Variants in RBFOX1 observed in about 807,000 individuals in gnomAD.
The protein encoded by RBFOX1 is RNA binding protein fox-1 homolog 1.
In RBFOX1, 8 loss-of-function variants were observed where a neutral mutation model predicts 57.7. The observed-to-expected ratio is 0.14, with a 90% CI of 0.08 to 0.25. The LOEUF (loss-of-function observed/expected upper bound fraction) is 0.25. Ranked by LOEUF, RBFOX1 falls within the 10% of genes least tolerant of loss-of-function variation. RBFOX1 has a pLI of 1.00. For synonymous variants in RBFOX1, 326 were observed against 222.4 expected, an observed-to-expected ratio of 1.47 and a Z score of -4.15; for missense variants, 611 against 548.5, an observed-to-expected ratio of 1.11 and a Z score of -1.14.
chr16:6,163,274 A>T (rs1270620469), intron 1 of RBFOX1, among the ~76,000 whole-genome samples: 1 of 152,152 alleles, frequency 6.6e-6, no homozygotes, highest in Non-Finnish European at 1.5e-5. Context: ...TTTTGCGGGG[A>T]GGTAAAGACC....
At chr16:5,641,421 A>G (rs1481480363) in intron 3 of RBFOX1, among the ~76,000 whole-genome samples, 2 of 152,212 alleles carry the variant, frequency 1.3e-5, no homozygotes, top group Non-Finnish European at 2.9e-5. Context: ...GCTACAAACA[A>G]CTGCAAAGCA....
intron 3 of RBFOX1, among the ~76,000 whole-genome samples, chr16:7,018,592 C>A (rs961441156): frequency 1.3e-5 from 2 of 152,008 alleles, no homozygotes; most frequent in Admixed American, 1.3e-4. Flanking sequence ...GGTATTTACC[C>A]AGTAATGGGA....
At chr16:7,046,237 G>GTGTGTGT (rs2047885954) in intron 3 of RBFOX1, among the ~76,000 whole-genome samples, 1 of 146,590 alleles carries the variant, frequency 6.8e-6, no homozygotes, top group Admixed American at 6.9e-5. Flanking sequence ...TAGGTAAAGG[G>GTGTGTGT]GTGTGTGTGT....
At chr16:6,966,529 A>C (rs1226950494) in intron 3 of RBFOX1, among the ~76,000 whole-genome samples, 2 of 152,086 alleles carry the variant, frequency 1.3e-5, no homozygotes, top group Non-Finnish European at 2.9e-5. Flanking sequence ...GGGAAGACTG[A>C]GAGAGATGGA....
intron 3 of RBFOX1, among the ~76,000 whole-genome samples, chr16:6,719,165 C>A (rs981536926): frequency 6.6e-6 from 1 of 152,142 alleles, no homozygotes; most frequent in African/African-American, 2.4e-5. Flanking sequence ...TAGTGCCTGG[C>A]TGAGATGTGT....
intron 4 of RBFOX1, among the ~76,000 whole-genome samples, chr16:7,248,259 T>A (rs1490768362): frequency 6.6e-6 from 1 of 152,200 alleles, no homozygotes; most frequent in Non-Finnish European, 1.5e-5. Context: ...GAGTGGCACA[T>A]GAACGGCTTT....
intron 3 of RBFOX1, among the ~76,000 whole-genome samples, chr16:7,015,351 C>G (rs1194673151): frequency 2.6e-5 from 4 of 151,976 alleles, no homozygotes; most frequent in Admixed American, 1.3e-4. Flanking sequence ...GCTTCTTAGC[C>G]TTTTCTGGGC....
chr16:6,751,266 A>G (rs932584587), intron 3 of RBFOX1, among the ~76,000 whole-genome samples: 17 of 152,124 alleles, frequency 1.1e-4, no homozygotes, highest in Non-Finnish European at 2.4e-4. Flanking sequence ...TCTAGAATGG[A>G]TGGGGAGTAG....
chr16:6,617,230 A>G (rs1292905627), intron 2 of RBFOX1, among the ~76,000 whole-genome samples: 3 of 151,864 alleles, frequency 2.0e-5, no homozygotes, highest in African/African-American at 4.8e-5. Context: ...GGAAAAATAC[A>G]TGTTTGAAAT....
At chr16:7,562,979 G>A (rs1450175312) in intron 5 of RBFOX1, among the ~76,000 whole-genome samples, 1 of 152,142 alleles carries the variant, frequency 6.6e-6, no homozygotes, top group Non-Finnish European at 1.5e-5. Flanking sequence ...TGCCATTAAG[G>A]GACTTGACCC....
chr16:5,432,433 C>A (rs539221002), intron 1 of RBFOX1, among the ~76,000 whole-genome samples: 14 of 152,144 alleles, frequency 9.2e-5, no homozygotes, highest in Non-Finnish European at 1.9e-4. Context: ...TATTTATTGT[C>A]CGTCATTATC....
intron 3 of RBFOX1, among the ~76,000 whole-genome samples, chr16:7,013,711 G>A (rs1056881499): frequency 1.3e-5 from 2 of 152,216 alleles, no homozygotes; most frequent in Admixed American, 6.5e-5. Context: ...AGGCTGGAGT[G>A]CACTGGCACA....
intron 5 of RBFOX1, among the ~76,000 whole-genome samples, chr16:7,577,973 T>A (rs756002086): frequency 1.3e-5 from 2 of 152,214 alleles, no homozygotes; most frequent in Non-Finnish European, 2.9e-5. Flanking sequence ...TGCACTAAAG[T>A]TGGAATTGCA....
At chr16:6,977,970 A>G (rs1004823412) in intron 3 of RBFOX1, among the ~76,000 whole-genome samples, 1 of 137,712 alleles carries the variant, frequency 7.3e-6, no homozygotes, top group African/African-American at 2.8e-5. Context: ...TCCTTTCCCA[A>G]TGTGGCTGAA....
At chr16:7,512,936 T>C (rs1195161175) in intron 4 of RBFOX1, among the ~76,000 whole-genome samples, 1 of 152,128 alleles carries the variant, frequency 6.6e-6, no homozygotes, top group African/African-American at 2.4e-5. Context: ...CACAGGTCCA[T>C]GGTGTGTGTG....
At chr16:6,827,357 G>T (rs950425643) in intron 3 of RBFOX1, among the ~76,000 whole-genome samples, 2 of 152,172 alleles carry the variant, frequency 1.3e-5, no homozygotes, top group African/African-American at 4.8e-5. Context: ...GAAATGGGAA[G>T]ATGTGTTGTG....
chr16:7,313,813 C>G lies in RBFOX1; in HGVS notation c.28-204334C>G, dbSNP rs1047322236. ...ATATTTAAAACCAGACACTTTTGCC[C>G]CAGAACCGACACTTAGAACCACGAT... On this transcript the variant is annotated intron_variant, in intron 4 of 15. Transcript: ENST00000550418. Among the ~76,000 whole-genome samples, 3 of 152,168 alleles carry G rather than the reference C, an allele frequency of 2.0e-5. No individual in the cohort carries two copies. The South Asian group carries it at 6.2e-4, about 32-fold the overall frequency.
chr16:5,343,580 C>G (rs1436941142), intron 1 of RBFOX1, among the ~76,000 whole-genome samples: 2 of 152,076 alleles, frequency 1.3e-5, no homozygotes, highest in East Asian at 1.9e-4. Context: ...CTTGGCCTCC[C>G]AAAGTGCTGG....
At chr16:7,642,550 T>C (rs2063014571) in intron 11 of RBFOX1, among the ~76,000 whole-genome samples, 1 of 152,208 alleles carries the variant, frequency 6.6e-6, no homozygotes, top group African/African-American at 2.4e-5. Flanking sequence ...TTTATCTCAC[T>C]TGCCCTGTTT....
Sources: allele counts gnomAD v4.1 joint callset (sites outside exome capture counted in the v4.1 genomes callset), GRCh38; gene constraint gnomAD v4.1.1; transcripts MANE v1.5; gene names NCBI Gene and HGNC (gene_info 2026-07-23, HGNC 2026-07-21).